PIWIL2: variants seen among roughly 807,000 people sequenced by gnomAD.
PIWIL2 encodes the protein piwi-like protein 2.
In PIWIL2, 81 loss-of-function variants were observed where a neutral mutation model predicts 116.5. The ratio of observed to expected loss-of-function variants is 0.70; its 90% CI spans 0.58 to 0.84. The LOEUF (loss-of-function observed/expected upper bound fraction) is 0.84, where lower values mean the gene tolerates loss of function less well. PIWIL2 is among the 40% of genes least tolerant of loss of function. The probability of loss-of-function intolerance (pLI) is 0.00; values close to 1 mark genes in which losing one functional copy is unlikely to be tolerated. For missense variants in PIWIL2, 1,272 were observed against 1,212.3 expected (o/e 1.05, Z -0.73); for synonymous variants, 489 against 429.5 (o/e 1.14, Z -1.71).
At chr8:22,307,567 C>T (rs1179343184) in intron 13 of PIWIL2, among the ~76,000 whole-genome samples, 4 of 145,648 alleles carry the variant, frequency 2.7e-5, no homozygotes, top group African/African-American at 1.1e-4. Flanking sequence ...ACTGCAGCCT[C>T]AATCCCTTGG....
At chr8:22,320,284 G>A (rs1393192251) in intron 20 of PIWIL2, among the ~76,000 whole-genome samples, 3 of 69,208 alleles carry the variant, frequency 4.3e-5, no homozygotes, top group Admixed American at 4.3e-4. Flanking sequence ...TTTTTTTTGA[G>A]ACGGAGTCTC....
At chr8:22,334,525 A>AG (rs1831935593) in intron 20 of PIWIL2, among the ~76,000 whole-genome samples, 2 of 151,204 alleles carry the variant, frequency 1.3e-5, no homozygotes, top group South Asian at 2.1e-4. Context: ...GTCTCAAAAA[A>AG]AAAAAAAGAA....
chr8:22,347,516 C>CTT (rs1218303089), intron 20 of PIWIL2, among the ~76,000 whole-genome samples: 25 of 98,476 alleles, frequency 2.5e-4, no homozygotes, highest in African/African-American at 5.1e-4. Context: ...TGTGCCTGGC[C>CTT]TTTTTTTTTT....
At chr8:22,309,850 C>G (rs913532013) in intron 14 of PIWIL2, 111 bp from the exon 15 acceptor site, 3 of 612,742 alleles carry the variant, frequency 4.9e-6, no homozygotes, top group Admixed American at 5.5e-5. Context: ...AAAGTTCTAA[C>G]AGGGACAAGT....
At chr8:22,350,878 C>T (rs1004180691) in intron 20 of PIWIL2, among the ~76,000 whole-genome samples, 2 of 152,092 alleles carry the variant, frequency 1.3e-5, no homozygotes, top group East Asian at 1.9e-4. Context: ...CAGTGGCTAA[C>T]GCTTGTAGTC....
chr8:22,294,844 T>A (rs1830855189), intron 10 of PIWIL2, among the ~76,000 whole-genome samples: 1 of 133,736 alleles, frequency 7.5e-6, no homozygotes, highest in Non-Finnish European at 1.5e-5. Context: ...GCGGATCACT[T>A]GAGGTCAGGA....
chr8:22,304,814 G>A lies in PIWIL2; in HGVS notation c.1401G>A (p.Glu467=). Residue 467 remains glutamate, a synonymous_variant, in exon 12 of 23, where the codon GAG becomes GAA. Transcript: ENST00000356766. ...SKNYGITVKE[E]DQPLLIHRPS... Reference sequence around the variant, plus strand: ...ATTATGGGATCACAGTTAAGGAAGAGGACCAGCCATTGCTGATTCACAGGC... The same window carrying A: ...ATTATGGGATCACAGTTAAGGAAGAAGACCAGCCATTGCTGATTCACAGGC... 1 of 1,613,584 alleles carries A rather than the reference G, an allele frequency of 6.2e-7. No homozygotes were observed. Among genetic ancestry groups the A allele is most frequent in the Non-Finnish European group, 8.5e-7 (1 of 1,179,496 alleles).
intron 16 of PIWIL2, 85 bp downstream of exon 16, chr8:22,311,385 C>A: frequency 9.0e-7 from 1 of 1,109,550 alleles, no homozygotes; most frequent in Non-Finnish European, 1.3e-6. Flanking sequence ...GGTTATCAGT[C>A]TGCTGTTGAT....
At chr8:22,279,264 A>T in intron 1 of PIWIL2, 77 bp from the exon 2 acceptor site, 1 of 763,800 alleles carries the variant, frequency 1.3e-6, no homozygotes, top group Non-Finnish European at 2.3e-6. Flanking sequence ...TCAAAATACT[A>T]TTTTAATGCT....
In PIWIL2 at chr8:22,353,850, C is replaced by T. The variant is rs1480603567; in HGVS notation, c.2658-421C>T. ...AGTGCAATGATGTGATCTCAGCTCA[C>T]TGCAGCCTCAACCTGCTTAGGCCCA... On this transcript the variant is annotated intron_variant, in intron 21 of 22. Coordinates refer to ENST00000356766, the MANE Select transcript of PIWIL2 (RefSeq NM_018068.5). 2.2e-5 allele frequency among the ~76,000 whole-genome samples: 3 copies of T among 134,878 alleles called. No individual in the cohort carries two copies. The Admixed American group carries it at 2.7e-4, about 12-fold the overall frequency. The allele number at this position is 134,878 out of a possible 152,430, so 88.5% of individuals were successfully genotyped here.
At chr8:22,300,337 G>T (rs532236233) in intron 10 of PIWIL2, among the ~76,000 whole-genome samples, 1 of 152,104 alleles carries the variant, frequency 6.6e-6, no homozygotes, top group Non-Finnish European at 1.5e-5. Context: ...ATTGTTGTAT[G>T]TTGCAAATGT....
chr8:22,312,018 C>T (rs1200407240), intron 16 of PIWIL2, among the ~76,000 whole-genome samples: 2 of 151,980 alleles, frequency 1.3e-5, no homozygotes, highest in African/African-American at 4.8e-5. Flanking sequence ...AATTCCAGCA[C>T]GTTGGGATGC....
chr8:22,329,676 C>T (rs1009929455), intron 20 of PIWIL2, among the ~76,000 whole-genome samples: 1 of 152,208 alleles, frequency 6.6e-6, no homozygotes, highest in Non-Finnish European at 1.5e-5. Context: ...TTGGCAGGGA[C>T]ACACATTCAG....
At chr8:22,343,080 A>G (rs2132098953) in intron 20 of PIWIL2, among the ~76,000 whole-genome samples, 1 of 152,106 alleles carries the variant, frequency 6.6e-6, no homozygotes. Context: ...CAGCCTGACC[A>G]ATGTGGTGAA....
At chr8:22,310,111 A>G in intron 15 of PIWIL2, 37 bp downstream of exon 15, 1 of 1,105,840 alleles carries the variant, frequency 9.0e-7, no homozygotes, top group Non-Finnish European at 1.4e-6. Context: ...GAGGACCAGT[A>G]TTCCCCAAAG....
intron 2 of PIWIL2, among the ~76,000 whole-genome samples, chr8:22,280,316 T>C (rs1243095194): frequency 1.3e-5 from 2 of 152,184 alleles, no homozygotes; most frequent in African/African-American, 4.8e-5. Context: ...TGCCCAAATC[T>C]TAAAGAAAAA....
At chr8:22,309,199 A>T (rs1235076792) in intron 14 of PIWIL2, among the ~76,000 whole-genome samples, 2 of 151,182 alleles carry the variant, frequency 1.3e-5, no homozygotes, top group African/African-American at 2.4e-5. Context: ...TGACCTCGTG[A>T]TCCACCCGCC....
At chr8:22,327,303 A>G (rs1224555929) in intron 20 of PIWIL2, among the ~76,000 whole-genome samples, 1 of 135,840 alleles carries the variant, frequency 7.4e-6, no homozygotes, top group African/African-American at 2.8e-5. Flanking sequence ...TCCCAAAGTG[A>G]GGCACCACGC....
chr8:22,349,103 C>T (rs1235207968), intron 20 of PIWIL2, among the ~76,000 whole-genome samples: 2 of 144,844 alleles, frequency 1.4e-5, no homozygotes, highest in African/African-American at 5.1e-5. Context: ...GGCTGGAGTG[C>T]AGAGGCACAA....
Sources: allele counts gnomAD v4.1 joint callset (sites outside exome capture counted in the v4.1 genomes callset), GRCh38; gene constraint gnomAD v4.1.1; transcripts MANE v1.5; gene names NCBI Gene and HGNC (gene_info 2026-07-23, HGNC 2026-07-21).